The following SKAP1 variants were observed in gnomAD, a reference collection of about 807,000 sequenced individuals.
SKAP1 encodes src kinase associated phosphoprotein 1, also known as src kinase-associated phosphoprotein 1.
SKAP1 carries 44 observed loss-of-function variants against 58.5 expected under a neutral mutation model. The ratio of observed to expected loss-of-function variants is 0.75; its 90% CI spans 0.59 to 0.97. SKAP1 has a LOEUF of 0.97. Ranked by LOEUF, SKAP1 falls within the 50% of genes least tolerant of loss-of-function variation. SKAP1 has a pLI of 0.00. For synonymous variants in SKAP1, 127 were observed against 149.7 expected (o/e 0.85, Z 1.11); for missense variants, 390 against 435.2 (o/e 0.90, Z 0.92).
chr17:48,328,990 G>A (rs966200677), intron 4 of SKAP1, among the ~76,000 whole-genome samples: 3 of 152,126 alleles, frequency 2.0e-5, no homozygotes, highest in Non-Finnish European at 4.4e-5. Flanking sequence ...CTATTTAAGG[G>A]TATATTTAAA....
chr17:48,344,547 T>A (rs1025858567), intron 4 of SKAP1, among the ~76,000 whole-genome samples: 2 of 152,208 alleles, frequency 1.3e-5, no homozygotes, highest in African/African-American at 4.8e-5. Flanking sequence ...CTGTCAAGCA[T>A]TAGAATAATC....
intron 11 of SKAP1, among the ~76,000 whole-genome samples, chr17:48,144,245 G>A (rs1240541584): frequency 6.6e-6 from 1 of 152,120 alleles, no homozygotes; most frequent in Non-Finnish European, 1.5e-5. Flanking sequence ...TTCATCCCTT[G>A]GCTGTATACC....
upstream of SKAP1, among the ~76,000 whole-genome samples, chr17:48,431,918 T>G (rs527249556): frequency 2.6e-5 from 4 of 152,162 alleles, no homozygotes; most frequent in Admixed American, 2.6e-4. Flanking sequence ...CCTGCCTCCT[T>G]GTACTGTTTC....
At chr17:48,163,239 G>T (rs1307890724) in intron 10 of SKAP1, among the ~76,000 whole-genome samples, 1 of 152,168 alleles carries the variant, frequency 6.6e-6, no homozygotes, top group Non-Finnish European at 1.5e-5. Flanking sequence ...TGTCTGCCAA[G>T]ATTTATCTGC....
chr17:48,253,543 T>A (rs568519544), intron 4 of SKAP1, among the ~76,000 whole-genome samples: 1 of 152,318 alleles, frequency 6.6e-6, no homozygotes, highest in South Asian at 2.1e-4. Context: ...TTATGGTTGT[T>A]GTTTTCTCCA....
intron 4 of SKAP1, among the ~76,000 whole-genome samples, chr17:48,239,369 G>A (rs1248885292): frequency 2.0e-5 from 3 of 152,154 alleles, no homozygotes; most frequent in African/African-American, 4.8e-5. Context: ...CATCAGCCTG[G>A]CAGTAAATCG....
chr17:48,238,946 A>T (rs2065212991), intron 4 of SKAP1, among the ~76,000 whole-genome samples: 1 of 152,224 alleles, frequency 6.6e-6, no homozygotes, highest in South Asian at 2.1e-4. Flanking sequence ...CAAATGAAAG[A>T]TGCCCAGAAA....
chr17:48,354,761 T>A (rs1004176859), intron 3 of SKAP1, among the ~76,000 whole-genome samples: 4 of 152,214 alleles, frequency 2.6e-5, no homozygotes, highest in Admixed American at 1.3e-4. Flanking sequence ...TCTAATAGAA[T>A]TGGGTCCACC....
At chr17:48,358,094 TAAAA>T (rs1251375935) in intron 3 of SKAP1, among the ~76,000 whole-genome samples, 1 of 152,196 alleles carries the variant, frequency 6.6e-6, no homozygotes, top group Non-Finnish European at 1.5e-5. Flanking sequence ...CTTGTGTTTA[TAAAA>T]TATCAGCATT....
intron 2 of SKAP1, among the ~76,000 whole-genome samples, chr17:48,394,053 C>T (rs8065535): frequency 0.51 from 77,592 of 151,788 alleles, 20,728 homozygotes; most frequent in African/African-American, 0.65. Flanking sequence ...CTGGGCAACA[C>T]AGTGACACCC....
At chr17:48,428,224 C>T (rs1408155800) in intron 1 of SKAP1, among the ~76,000 whole-genome samples, 2 of 151,796 alleles carry the variant, frequency 1.3e-5, no homozygotes, top group African/African-American at 4.8e-5. Flanking sequence ...CATTAACCAA[C>T]GAAGCTCCTT....
intron 1 of SKAP1, among the ~76,000 whole-genome samples, chr17:48,418,917 T>C (rs1399512606): frequency 1.3e-5 from 2 of 152,176 alleles, no homozygotes; most frequent in African/African-American, 4.8e-5. Flanking sequence ...AAGGAAACTT[T>C]CTAGGGGGAT....
intron 4 of SKAP1, among the ~76,000 whole-genome samples, chr17:48,265,756 C>T (rs1355082966): frequency 6.6e-6 from 1 of 152,100 alleles, no homozygotes; most frequent in East Asian, 1.9e-4. Flanking sequence ...TCCCTCCCCC[C>T]ATGAAACTAG....
intron 1 of SKAP1, among the ~76,000 whole-genome samples, chr17:48,402,431 G>A (rs1475781593): frequency 1.3e-5 from 2 of 151,790 alleles, no homozygotes; most frequent in Admixed American, 1.3e-4. Context: ...CCGGATTCAA[G>A]TGATTCTCGT....
chr17:48,378,816 T>G (rs2067181023), intron 2 of SKAP1, among the ~76,000 whole-genome samples: 1 of 152,176 alleles, frequency 6.6e-6, no homozygotes, highest in Admixed American at 6.5e-5. Flanking sequence ...GCTCAATAAA[T>G]GTTTGCTAAA....
In SKAP1 at chr17:48,415,539, T is replaced by C. The variant is rs76035148; in HGVS notation, c.46+14536A>G. ...TCCCCTAACCCCTCTCCTCTTTTCA[T>C]AGCCCTCTAAGCCTGTTGGTTGGCA... On this transcript the variant is annotated intron_variant, in intron 1 of 12. Transcript: ENST00000336915. Among the ~76,000 whole-genome samples the C allele has an allele frequency of 2.2e-3, 329 of 152,214 alleles. 1 individual carries two copies. The highest frequency in any genetic ancestry group is 7.3e-3 in the African/African-American group (305 of 41,540).
intron 4 of SKAP1, among the ~76,000 whole-genome samples, chr17:48,252,681 C>T (rs2065377045): frequency 6.7e-6 from 1 of 149,812 alleles, no homozygotes; most frequent in African/African-American, 2.5e-5. Context: ...AGGAATCAGA[C>T]TGTGTGATAA....
intron 1 of SKAP1, among the ~76,000 whole-genome samples, chr17:48,422,807 A>G (rs1053171055): frequency 6.6e-6 from 1 of 152,212 alleles, no homozygotes; most frequent in Non-Finnish European, 1.5e-5. Context: ...TCAGCACTTT[A>G]TAGACGTAAT....
chr17:48,418,698 T>C (rs748633105), intron 1 of SKAP1, among the ~76,000 whole-genome samples: 1 of 152,238 alleles, frequency 6.6e-6, no homozygotes, highest in Non-Finnish European at 1.5e-5. Flanking sequence ...AAACAATTCA[T>C]TGTTTATCAG....
Sources: allele counts gnomAD v4.1 joint callset (sites outside exome capture counted in the v4.1 genomes callset), GRCh38; gene constraint gnomAD v4.1.1; transcripts MANE v1.5; gene names NCBI Gene and HGNC (gene_info 2026-07-23, HGNC 2026-07-21).